AGPS: variants seen among roughly 807,000 people sequenced by gnomAD.
AGPS encodes the protein alkyldihydroxyacetonephosphate synthase, peroxisomal.
A neutral mutation model predicts 90.7 loss-of-function variants in AGPS; 26 were observed. The ratio of observed to expected loss-of-function variants is 0.29; its 90% confidence interval spans 0.21 to 0.40. The LOEUF is 0.40. Among genes scored for constraint, AGPS ranks in the 10% least tolerant of loss-of-function variants. AGPS has a pLI of 1.00. For synonymous variants in AGPS, 294 were observed against 285.3 expected (o/e 1.03, Z -0.31); for missense variants, 540 against 816.1 (o/e 0.66, Z 4.12).
Position 177,540,166 on chromosome 2 carries a change from G to C in AGPS, c.*1971G>C, listed in dbSNP as rs2079222252. The C allele has an allele frequency of 6.6e-6, 1 of 150,982 alleles. No individual in the cohort carries two copies. The highest frequency in any genetic ancestry group is 1.5e-5 in the Non-Finnish European group (1 of 67,760). The allele number at this position is 150,982 out of a possible 1,614,324, so 9.4% of individuals were successfully genotyped here. Reference sequence around the variant, plus strand: ...AAGATCCATTCCTTTGCATGTGATTGTTATAACATTCTTTCCCAGGGAGTT... The same window carrying C: ...AAGATCCATTCCTTTGCATGTGATTCTTATAACATTCTTTCCCAGGGAGTT... On this transcript the variant is annotated 3_prime_UTR_variant, in exon 20 of 20. Transcript: ENST00000264167.
rs377171234 is a variant in AGPS at position 177,493,152 on chromosome 2, G to A, written c.1238G>A (p.Cys413Tyr). 6 of 1,611,956 alleles carry A rather than the reference G, an allele frequency of 3.7e-6. No homozygotes were observed. Among genetic ancestry groups the A allele is most frequent in the Non-Finnish European group, 5.1e-6 (6 of 1,178,894 alleles). The stretch of plus-strand genomic sequence containing the variant: ...TTTTTTTTCTTTTTAAAACAGAGAT[G>A]TGCTCCGGCATCTATTCGCCTCATG... ...ACLREIAKQR[C>Y]APASIRLMDN... Residue 413 changes from cysteine (C) to tyrosine (Y), a missense_variant, in exon 12 of 20, where the codon TGT (cysteine) becomes TAT (tyrosine). By Grantham distance (194) the Cys-to-Tyr change is radical. Transcript: ENST00000264167.
chr2:177,533,975 C>T (rs2079161420), intron 19 of AGPS, among the ~76,000 whole-genome samples: 1 of 152,160 alleles, frequency 6.6e-6, no homozygotes, highest in Admixed American at 6.5e-5. Context: ...TGAGCTTCAC[C>T]TTCAATGATC....
intron 3 of AGPS, among the ~76,000 whole-genome samples, chr2:177,436,410 A>G (rs1475687892): frequency 6.6e-6 from 1 of 152,070 alleles, no homozygotes; most frequent in Non-Finnish European, 1.5e-5. Flanking sequence ...TTGGCCTCCG[A>G]AAGTGCTGGG....
chr2:177,470,900 A>G (rs553469809), intron 10 of AGPS, among the ~76,000 whole-genome samples: 16 of 152,150 alleles, frequency 1.1e-4, no homozygotes, highest in African/African-American at 3.9e-4. Flanking sequence ...GACTTTGTAT[A>G]AGTTAGATAA....
At chr2:177,499,752 G>A (rs746936131) in intron 14 of AGPS, 22 bp downstream of exon 14, 1 of 1,458,050 alleles carries the variant, frequency 6.9e-7, no homozygotes, top group Admixed American at 1.7e-5. Context: ...AGTTCATAAT[G>A]CCAAGAGAAA....
chr2:177,481,528 G>A (rs1035660955), intron 10 of AGPS, among the ~76,000 whole-genome samples: 3 of 151,320 alleles, frequency 2.0e-5, no homozygotes, highest in Non-Finnish European at 4.4e-5. Context: ...TCTTAAAAGG[G>A]CATCTCAGTA....
At chr2:177,444,005 A>G (rs1465243447) in intron 7 of AGPS, among the ~76,000 whole-genome samples, 9 of 152,164 alleles carry the variant, frequency 5.9e-5, no homozygotes, top group Non-Finnish European at 1.0e-4. Flanking sequence ...GGGAGAAGAT[A>G]TATATATAAG....
At chr2:177,468,344 A>G (rs1393294453) in intron 9 of AGPS, 72 bp from the exon 10 acceptor site, 2 of 860,050 alleles carry the variant, frequency 2.3e-6, no homozygotes. Flanking sequence ...ATAAATATAT[A>G]TAAATGTCTG....
rs574360886 is a variant in AGPS, at chr2:177,496,321, T to C, written c.1286-1368T>C. Among the ~76,000 whole-genome samples the C allele has an allele frequency of 1.1e-4, 16 of 152,330 alleles. No individual in the cohort carries two copies. The East Asian group carries it at 2.1e-3, about 20-fold the overall frequency. ...AAGAACACAACATGCACATTCAATATATAAATGTTTATATATGTATTTCTA... is the reference window on the plus strand; with the variant it reads ...AAGAACACAACATGCACATTCAATACATAAATGTTTATATATGTATTTCTA... On this transcript the variant is annotated intron_variant, in intron 12 of 19. Coordinates refer to ENST00000264167, the MANE Select transcript of AGPS (RefSeq NM_003659.4).
intron 18 of AGPS, 133 bp downstream of exon 18, chr2:177,521,501 G>A: frequency 1.3e-6 from 1 of 782,948 alleles, no homozygotes; most frequent in Middle Eastern, 3.6e-4. Context: ...CCTTAGAAAT[G>A]AAAAGCATAT....
At chr2:177,456,825 C>T (rs936676689) in intron 8 of AGPS, among the ~76,000 whole-genome samples, 7 of 152,136 alleles carry the variant, frequency 4.6e-5, no homozygotes, top group Non-Finnish European at 7.3e-5. Context: ...TTGAACTCAG[C>T]TCTGGACCAA....
intron 5 of AGPS, among the ~76,000 whole-genome samples, chr2:177,439,126 G>T (rs1453807462): frequency 6.6e-6 from 1 of 152,142 alleles, no homozygotes; most frequent in Non-Finnish European, 1.5e-5. Flanking sequence ...ATTAAATTTA[G>T]TATTTATGCA....
chr2:177,394,353 A>C (rs1179487918), intron 1 of AGPS, among the ~76,000 whole-genome samples: 1 of 152,212 alleles, frequency 6.6e-6, no homozygotes. Flanking sequence ...AGATTGTCTG[A>C]GTAAATTTTG....
rs79165157 is a variant in AGPS, at chr2:177,478,610, C to T, written c.1106-3449C>T. On this transcript the variant is annotated intron_variant, in intron 10 of 19. Coordinates refer to ENST00000264167, the MANE Select transcript of AGPS (RefSeq NM_003659.4). ...TCATATTCATTCTTTTGCCAGAGAC[C>T]ATCTGTTGTTAAGCCCTTGTAGTGA... is the stretch of plus-strand genomic sequence containing the variant. Among the ~76,000 whole-genome samples the T allele has an allele frequency of 8.1e-3, 1,237 of 152,104 alleles. 21 individuals carry two copies. Among genetic ancestry groups the T allele is most frequent in the African/African-American group, 0.028 (1,158 of 41,510 alleles).
Position 177,489,229 on chromosome 2 carries a change from C to T in AGPS, c.1234-3919C>T, listed in dbSNP as rs186756773. Among the ~76,000 whole-genome samples, 399 of 151,754 alleles carry T rather than the reference C, an allele frequency of 2.6e-3. 1 individual carries two copies. Among genetic ancestry groups the T allele is most frequent in the Middle Eastern group, 0.01 (3 of 292 alleles). On this transcript the variant is annotated intron_variant, in intron 11 of 19. Coordinates refer to ENST00000264167, the MANE Select transcript of AGPS (RefSeq NM_003659.4). The stretch of plus-strand genomic sequence containing the variant: ...CCTCCCCAGTAGCTGGGACTACAGG[C>T]GCCTGCCACCACACCAGACTAATTT...
At chr2:177,529,441 G>A (rs1423225809) in intron 19 of AGPS, among the ~76,000 whole-genome samples, 1 of 152,106 alleles carries the variant, frequency 6.6e-6, no homozygotes, top group African/African-American at 2.4e-5. Flanking sequence ...CTGCACTCCA[G>A]CATGGGTGAT....
Position 177,428,153 on chromosome 2 carries a change from G to A in AGPS, c.351-6174G>A, listed in dbSNP as rs1686134324. Among the ~76,000 whole-genome samples, 7 of 152,234 alleles carry A rather than the reference G, an allele frequency of 4.6e-5. No homozygotes were observed. In the South Asian group the frequency reaches 1.5e-3, roughly 32 times the overall value. On this transcript the variant is annotated intron_variant, in intron 2 of 19. Coordinates refer to ENST00000264167, the MANE Select transcript of AGPS (RefSeq NM_003659.4). The stretch of plus-strand genomic sequence containing the variant: ...GTCAGAAACTAGGATTGCGACACCT[G>A]CTTTTTTCTGTTTTGCATTTGCTTG...
chr2:177,425,535 C>G (rs1018060196), intron 2 of AGPS, among the ~76,000 whole-genome samples: 9 of 147,960 alleles, frequency 6.1e-5, no homozygotes, highest in Admixed American at 4.2e-4. Context: ...GCAGGAGACT[C>G]GCTTGAACCC....
chr2:177,444,948 G>A (rs980148855), intron 7 of AGPS, among the ~76,000 whole-genome samples: 4 of 152,150 alleles, frequency 2.6e-5, no homozygotes, highest in Non-Finnish European at 4.4e-5. Context: ...TTTTGAGCCC[G>A]AGGCAGGGAT....
Sources: gnomAD v4.1 joint callset for allele counts (sites outside exome capture counted in the v4.1 genomes callset) on GRCh38, gnomAD v4.1.1 for gene constraint, MANE v1.5 for transcripts, NCBI Gene and HGNC (gene_info 2026-07-23, HGNC 2026-07-21) for gene names.